Variants in DIAPH1 observed in about 807,000 individuals in gnomAD.
DIAPH1 encodes diaphanous related formin 1.
Under a neutral mutation model 140.7 loss-of-function variants are expected in DIAPH1, and 46 were observed. The observed-to-expected ratio is 0.33, with a 90% CI of 0.26 to 0.42. DIAPH1 has a LOEUF of 0.42. DIAPH1 is among the 10% of genes least tolerant of loss of function. The pLI, the probability that DIAPH1 is intolerant of heterozygous loss-of-function variation, is 1.00. For missense variants in DIAPH1, 1,310 were observed against 1,558.7 expected (o/e 0.84, Z 2.69); for synonymous variants, 565 against 551.6 (o/e 1.02, Z -0.34).
intron 27 of DIAPH1, among the ~76,000 whole-genome samples, chr5:141,523,194 G>A (rs1434637447): frequency 6.6e-6 from 1 of 152,180 alleles, no homozygotes. Context: ...CCTACACAAT[G>A]CAACAGCCAG....
At chr5:141,527,440 T>C in intron 24 of DIAPH1, 133 bp downstream of exon 24, 1 of 982,030 alleles carries the variant, frequency 1.0e-6, no homozygotes, top group Non-Finnish European at 1.5e-6. Flanking sequence ...CCCAAAAAAC[T>C]ATGTATTTAA....
intron 18 of DIAPH1, among the ~76,000 whole-genome samples, chr5:141,545,767 A>T (rs1198979277): frequency 6.6e-6 from 1 of 152,220 alleles, no homozygotes; most frequent in Non-Finnish European, 1.5e-5. Flanking sequence ...ATATATTAAT[A>T]GTTTCTGTTG....
chr5:141,574,383 A>T (rs1485479520), intron 15 of DIAPH1, among the ~76,000 whole-genome samples, 175 bp from the exon 16 acceptor site: 1 of 152,236 alleles, frequency 6.6e-6, no homozygotes, highest in Non-Finnish European at 1.5e-5. Flanking sequence ...AGCAGAGCCA[A>T]AACTAGAATT....
Position 141,573,611 on chromosome 5 carries a change from T to C in DIAPH1, c.2239A>G (p.Met747Val), listed in dbSNP as rs750444590. The stretch of plus-strand genomic sequence containing the variant: ...AATCCAAATGGGGGAGGTGGAGGCA[T>C]ACCCATTCCGGGTGGAGGTGGAGGA... ...GIPPPPPGMG[M>V]PPPPPFGFGV... is the part of the protein sequence containing the mutation. Residue 747 changes from methionine to valine, a missense_variant, in exon 16 of 28, where the codon ATG becomes GTG. Around this residue, in one of 3 missense-constraint regions of DIAPH1, gnomAD observed 589 missense variants for 549.3 expected, o/e 1.07. Transcript: ENST00000389054. The C allele has an allele frequency of 5.6e-6, 9 of 1,613,334 alleles. No homozygotes were observed. Among genetic ancestry groups the C allele is most frequent in the Non-Finnish European group, 7.6e-6 (9 of 1,179,816 alleles).
Position 141,573,699 on chromosome 5 carries a change from A to T in DIAPH1, c.2151T>A (p.Pro717=). The part of the protein sequence containing the change: ...LPGEAGMPPP[P]PPLPGGPGIP... ...TTCCAGGACCACCAGGAAGAGGGGG[A>T]GGAGGAGGTGGCATTCCTGCTTCTC... Residue 717 remains proline (P), a synonymous_variant, in exon 16 of 28, where the codon CCT becomes CCA. Transcript: ENST00000389054. The T allele has an allele frequency of 6.5e-7, 1 of 1,541,372 alleles. No homozygotes were observed. Among genetic ancestry groups the T allele is most frequent in the South Asian group, 1.1e-5 (1 of 89,028 alleles).
At chr5:141,592,009 G>A (rs1445543040) in intron 1 of DIAPH1, among the ~76,000 whole-genome samples, 5 of 150,002 alleles carry the variant, frequency 3.3e-5, no homozygotes, top group South Asian at 2.1e-4. Flanking sequence ...TTGAACCCGG[G>A]AGGCGGAGGT....
intron 18 of DIAPH1, among the ~76,000 whole-genome samples, chr5:141,546,700 G>A (rs189649361): frequency 6.6e-6 from 1 of 151,262 alleles, no homozygotes; most frequent in Non-Finnish European, 1.5e-5. Context: ...TAAGCTGGGA[G>A]CACAAAAGGC....
At chr5:141,616,804 G>A (rs1200805648) in intron 1 of DIAPH1, among the ~76,000 whole-genome samples, 3 of 151,994 alleles carry the variant, frequency 2.0e-5, no homozygotes, top group African/African-American at 7.2e-5. Flanking sequence ...GACTAACACC[G>A]CAGAAAGAAA....
intron 18 of DIAPH1, among the ~76,000 whole-genome samples, chr5:141,566,772 G>A (rs932342401): frequency 7.2e-5 from 11 of 152,266 alleles, no homozygotes; most frequent in Admixed American, 5.2e-4. Context: ...GTGCACACCT[G>A]TAATCCCAGC....
intron 1 of DIAPH1, among the ~76,000 whole-genome samples, chr5:141,604,820 A>G (rs913450979): frequency 6.6e-6 from 1 of 152,172 alleles, no homozygotes; most frequent in African/African-American, 2.4e-5. Context: ...ATCCTACGAA[A>G]CCACAGAAAA....
At chr5:141,586,693 C>T (rs1178264796) in intron 3 of DIAPH1, among the ~76,000 whole-genome samples, 17 of 152,294 alleles carry the variant, frequency 1.1e-4, no homozygotes, top group East Asian at 7.7e-4. Flanking sequence ...GTTGTGAATA[C>T]CTCCACACTT....
intron 18 of DIAPH1, among the ~76,000 whole-genome samples, chr5:141,538,682 C>G (rs917112175): frequency 6.6e-6 from 1 of 152,034 alleles, no homozygotes; most frequent in African/African-American, 2.4e-5. Flanking sequence ...ATCCACCTGC[C>G]TCAGCCTCCC....
At chr5:141,583,636 G>C (rs547712701) in intron 4 of DIAPH1, 21 bp from the exon 5 acceptor site, 2 of 1,614,188 alleles carry the variant, frequency 1.2e-6, no homozygotes, top group Non-Finnish European at 1.7e-6. Context: ...GGCATAGACA[G>C]AGATTAGTAA....
chr5:141,601,762 T>G (rs1206676981), intron 1 of DIAPH1, among the ~76,000 whole-genome samples: 1 of 152,230 alleles, frequency 6.6e-6, no homozygotes. Context: ...ACAGTATATT[T>G]ATTCTTTCAT....
chr5:141,554,199 C>T (rs1027673414), intron 18 of DIAPH1, among the ~76,000 whole-genome samples: 8 of 152,094 alleles, frequency 5.3e-5, no homozygotes, highest in Non-Finnish European at 8.8e-5. Flanking sequence ...ATCGCTTGAA[C>T]CTGAGAGGCA....
At chr5:141,609,436 T>A (rs1438269150) in intron 1 of DIAPH1, among the ~76,000 whole-genome samples, 1 of 152,238 alleles carries the variant, frequency 6.6e-6, no homozygotes, top group African/African-American at 2.4e-5. Flanking sequence ...TCCATGAGTT[T>A]TGAATCAGCT....
At chr5:141,560,957 A>T (rs995075857) in intron 18 of DIAPH1, 4 of 454,898 alleles carry the variant, frequency 8.8e-6, no homozygotes, top group Non-Finnish European at 1.8e-5. Context: ...AGGGGTGGAG[A>T]TGGGAGGACC....
Position 141,516,080 on chromosome 5 carries a change from G to T in DIAPH1, c.*771C>A. ...CCAAAGCTCAGGGAAGGCATGAGGA[G>T]GGAAGGTGGCTCAGTAGCCTGGGGT... On this transcript the variant is annotated 3_prime_UTR_variant, in exon 28 of 28. Coordinates refer to ENST00000389054, the MANE Select transcript of DIAPH1 (RefSeq NM_005219.5). The T allele has an allele frequency of 6.5e-6, 1 of 154,544 alleles. No homozygotes were observed. Among genetic ancestry groups the T allele is most frequent in the East Asian group, 1.9e-4 (1 of 5,220 alleles). 9.6% of individuals were successfully genotyped at this position (154,544 alleles called of 1,614,324 possible).
intron 18 of DIAPH1, among the ~76,000 whole-genome samples, chr5:141,535,826 A>G (rs2099888921): frequency 6.6e-6 from 1 of 152,228 alleles, no homozygotes; most frequent in South Asian, 2.1e-4. Flanking sequence ...AAGCTGACAA[A>G]GCTAGCTGCC....
Sources: allele counts gnomAD v4.1 joint callset (sites outside exome capture counted in the v4.1 genomes callset), GRCh38; gene constraint gnomAD v4.1.1; regional missense constraint gnomAD v4.1.1; transcripts MANE v1.5; gene names NCBI Gene and HGNC (gene_info 2026-07-23, HGNC 2026-07-21).